The following NRBP2 variants were observed in gnomAD, a reference collection of about 807,000 sequenced individuals.
The protein encoded by NRBP2 is nuclear receptor-binding protein 2.
In NRBP2, 47 loss-of-function variants were observed where a neutral mutation model predicts 74.4. The observed-to-expected ratio is 0.63, with a 90% CI of 0.50 to 0.81. The LOEUF (loss-of-function observed/expected upper bound fraction) is 0.81, where lower values mean the gene tolerates loss of function less well. Among genes scored for constraint, NRBP2 ranks in the 30% least tolerant of loss-of-function variants. NRBP2 has a pLI of 0.00. For missense variants in NRBP2, 613 were observed against 690.1 expected, an observed-to-expected ratio of 0.89 and a Z score of 1.25; for synonymous variants, 312 against 273.8, an observed-to-expected ratio of 1.14 and a Z score of -1.38.
chr8:143,836,903 G>GCCTGGATC (rs1307619419), intron 14 of NRBP2, 136 bp downstream of exon 14: 2 of 1,014,006 alleles, frequency 2.0e-6, no homozygotes, highest in African/African-American at 3.2e-5. Flanking sequence ...AAGGGGGTCA[G>GCCTGGATC]CCTGGATCTG....
Position 143,837,288 on chromosome 8 carries a change from A to G in NRBP2, c.1088T>C (p.Val363Ala). The change falls in exon 13 of 18, where the codon GTC becomes GCC. Residue 363 changes from valine to alanine, a missense_variant. Coordinates refer to ENST00000442628, the MANE Select transcript of NRBP2 (RefSeq NM_178564.4). This position sits in a 1 kb window ranked among gnomAD's most constrained non-coding sequence, Gnocchi z 4.3. ...RPPLQWRYSE[V>A]SFMELDKFLE... ...GAATTTGTCCAGCTCCATGAAGGAG[A>G]CTTCCGAGTACCTGGCATGGAAGTG... 1 of 1,609,186 alleles carries G rather than the reference A, an allele frequency of 6.2e-7. No individual in the cohort carries two copies. The highest frequency in any genetic ancestry group is 8.5e-7 in the Non-Finnish European group (1 of 1,179,006).
Position 143,840,689 on chromosome 8 carries a change from C to A in NRBP2, c.129+17G>T. 6.8e-7 allele frequency: 1 copy of A among 1,473,242 alleles called. No homozygotes were observed. The highest frequency in any genetic ancestry group is 9.0e-7 in the Non-Finnish European group (1 of 1,113,712). The allele number at this position is 1,473,242 out of a possible 1,614,324, so 91.3% of individuals were successfully genotyped here. ...TGGGAGGGCGGTGTCACCCCGTGCC[C>A]CAACCCCCGCGCCCACCTGCTCCCG... is the stretch of plus-strand genomic sequence containing the variant. On this transcript the variant is annotated intron_variant, in intron 1 of 17. Transcript: ENST00000442628. This position sits in a 1 kb window ranked among gnomAD's most constrained non-coding sequence, Gnocchi z 5.7.
downstream of NRBP2, among the ~76,000 whole-genome samples, chr8:143,832,010 T>A (rs1170036425): frequency 2.6e-5 from 4 of 152,180 alleles, no homozygotes. Context: ...GCAAGAGAGA[T>A]CAGATTGTTA....
intron 15 of NRBP2, 31 bp downstream of exon 15, chr8:143,836,096 C>T (rs782730008): frequency 2.5e-5 from 40 of 1,595,092 alleles, no homozygotes; most frequent in Middle Eastern, 1.7e-4. Flanking sequence ...GCCTTCCCCA[C>T]GGCAGCGCCG....
downstream of NRBP2, among the ~76,000 whole-genome samples, chr8:143,832,231 T>G (rs1428414242): frequency 6.6e-6 from 1 of 151,516 alleles, no homozygotes; most frequent in Non-Finnish European, 1.5e-5. Flanking sequence ...GCATGCTCCT[T>G]AAGAGTCATC....
Position 143,839,401 on chromosome 8 carries a change from G to T in NRBP2, c.493C>A (p.His165Asn). The T allele has an allele frequency of 6.4e-7, 1 of 1,569,440 alleles. No homozygotes were observed. Among genetic ancestry groups the T allele is most frequent in the Non-Finnish European group, 8.6e-7 (1 of 1,165,484 alleles). Residue 165 changes from histidine (H) to asparagine (N), a missense_variant, in exon 6 of 18, where the codon CAC becomes AAC. Around this residue, in one of 2 missense-constraint regions of NRBP2, gnomAD observed 332 missense variants for 429.2 expected, o/e 0.77. Transcript: ENST00000442628. The surrounding 1 kb of genome is among the most constrained non-coding windows in gnomAD (Gnocchi z 5.1). The part of the protein sequence containing the change: ...TQILSALSFL[H>N]ACSPPIIHGN... ...TGGATGATTGGGGGGCTGCAGGCGT[G>T]CAGGAAGCTGCAGACGTTGGGGAGG...
Position 143,840,532 on chromosome 8 carries a change from A to T in NRBP2, c.129+174T>A. 1 of 702,856 alleles carries T rather than the reference A, an allele frequency of 1.4e-6. No homozygotes were observed. The highest frequency in any genetic ancestry group is 2.3e-6 in the Non-Finnish European group (1 of 440,414). 43.5% of individuals were successfully genotyped at this position (702,856 alleles called of 1,614,324 possible). ...AGGAGACTGGCCCTCAGGGAGTCCC[A>T]GGGCGAGCGCCAGGCCAAAGGGGTC... On this transcript the variant is annotated intron_variant, in intron 1 of 17. Coordinates refer to ENST00000442628, the MANE Select transcript of NRBP2 (RefSeq NM_178564.4). The surrounding 1 kb of genome is among the most constrained non-coding windows in gnomAD (Gnocchi z 5.7).
chr8:143,840,092 G>A lies in NRBP2; in HGVS notation c.252+15C>T. 1 of 1,536,158 alleles carries A rather than the reference G, an allele frequency of 6.5e-7. No homozygotes were observed. The highest frequency in any genetic ancestry group is 8.7e-7 in the Non-Finnish European group (1 of 1,146,898). Reference sequence around the variant, plus strand: ...TGGTCACCCAAGCAGGATGAGGAGGGGGCAGCGGTCTCACCTCGTGCGCCG... The same window carrying A: ...TGGTCACCCAAGCAGGATGAGGAGGAGGCAGCGGTCTCACCTCGTGCGCCG... On this transcript the variant is annotated intron_variant, in intron 2 of 17. Coordinates refer to ENST00000442628, the MANE Select transcript of NRBP2 (RefSeq NM_178564.4). The surrounding 1 kb of genome is among the most constrained non-coding windows in gnomAD (Gnocchi z 5.7).
rs1554652856 is a variant in NRBP2, at chr8:143,839,149, G to A, written c.604+23C>T. 1.2e-5 allele frequency: 18 copies of A among 1,516,686 alleles called. No individual in the cohort carries two copies. Among genetic ancestry groups the A allele is most frequent in the South Asian group, 4.9e-5 (4 of 81,156 alleles). The allele number at this position is 1,516,686 out of a possible 1,614,324, so 94.0% of individuals were successfully genotyped here. A position where few individuals can be genotyped will look rare whatever the true frequency, so the allele number is the denominator to read the frequency against. ...CGGGCGGGGACCTCTCCAGGACCCC[G>A]TCCCCCCAAAGTCCGCACTTACCAT... On this transcript the variant is annotated intron_variant, in intron 7 of 17. Transcript: ENST00000442628. This position sits in a 1 kb window ranked among gnomAD's most constrained non-coding sequence, Gnocchi z 5.1.
Position 143,837,322 on chromosome 8 carries a change from A to G in NRBP2, c.1077-23T>C. On this transcript the variant is annotated intron_variant, in intron 12 of 17. Coordinates refer to ENST00000442628, the MANE Select transcript of NRBP2 (RefSeq NM_178564.4). The surrounding 1 kb of genome is among the most constrained non-coding windows in gnomAD (Gnocchi z 4.3). ...TACCTGGCATGGAAGTGGGAGGCAC[A>G]TGAGGGGCTGGCCGGGGCGAGGGGA... 3.0e-6 allele frequency: 4 copies of G among 1,311,986 alleles called. No individual in the cohort carries two copies. The highest frequency in any genetic ancestry group is 4.1e-6 in the Non-Finnish European group (4 of 975,028). 81.3% of individuals were successfully genotyped at this position (1,311,986 alleles called of 1,614,324 possible). A position where few individuals can be genotyped will look rare whatever the true frequency, so the allele number is the denominator to read the frequency against.
chr8:143,837,779 G>A lies in NRBP2; in HGVS notation c.841-24C>T, dbSNP rs782715649. 1 of 1,555,144 alleles carries A rather than the reference G, an allele frequency of 6.4e-7. No homozygotes were observed. Among genetic ancestry groups the A allele is most frequent in the South Asian group, 1.2e-5 (1 of 84,416 alleles). On this transcript the variant is annotated intron_variant, in intron 10 of 17. Transcript: ENST00000442628. This position sits in a 1 kb window ranked among gnomAD's most constrained non-coding sequence, Gnocchi z 4.3. ...TCCTGGGGCACAGGGAGGAGAGGCT[G>A]GTGGTGTGCAAGGGCTCTCTGCTCT...
chr8:143,837,155 T>C lies in NRBP2; in HGVS notation c.1147A>G (p.Met383Val). Residue 383 changes from methionine to valine, a missense_variant, in exon 14 of 18, where the codon ATG becomes GTG. Around this residue, in one of 2 missense-constraint regions of NRBP2, gnomAD observed 281 missense variants for 260.9 expected, o/e 1.08. Transcript: ENST00000442628. The surrounding 1 kb of genome is among the most constrained non-coding windows in gnomAD (Gnocchi z 4.3). ...AGGGGTCGAGTGGCTGCAAAGTTCATCAGTGGGTAGATTCCATTCCTGGGG... is the reference window on the plus strand; with the variant it reads ...AGGGGTCGAGTGGCTGCAAAGTTCACCAGTGGGTAGATTCCATTCCTGGGG... ...EDVRNGIYPLMNFAATRPLGL... is the reference protein window; with the variant it reads ...EDVRNGIYPLVNFAATRPLGL... 1 of 1,612,818 alleles carries C rather than the reference T, an allele frequency of 6.2e-7. No individual in the cohort carries two copies. The highest frequency in any genetic ancestry group is 8.5e-7 in the Non-Finnish European group (1 of 1,179,164).
At chr8:143,836,790 G>C (rs1818419418) in intron 14 of NRBP2, among the ~76,000 whole-genome samples, 1 of 151,996 alleles carries the variant, frequency 6.6e-6, no homozygotes, top group Admixed American at 6.5e-5. Flanking sequence ...CTTGGAGTAG[G>C]TTCAGGGCAG....
rs1164357037 is a variant in NRBP2, at chr8:143,839,398, C to T, written c.496G>A (p.Ala166Thr). Residue 166 changes from alanine to threonine, a missense_variant, in exon 6 of 18, where the codon GCC (alanine) becomes ACC (threonine). By Grantham distance (58) the Ala-to-Thr change is moderately conservative. Around this residue, in one of 2 missense-constraint regions of NRBP2, gnomAD observed 332 missense variants for 429.2 expected, o/e 0.77. Transcript: ENST00000442628. This position sits in a 1 kb window ranked among gnomAD's most constrained non-coding sequence, Gnocchi z 5.1. The part of the protein sequence containing the change: ...QILSALSFLH[A>T]CSPPIIHGNL... Reference sequence around the variant, plus strand: ...CCGTGGATGATTGGGGGGCTGCAGGCGTGCAGGAAGCTGCAGACGTTGGGG... The same window carrying T: ...CCGTGGATGATTGGGGGGCTGCAGGTGTGCAGGAAGCTGCAGACGTTGGGG... The T allele has an allele frequency of 1.3e-6, 2 of 1,576,956 alleles. No homozygotes were observed. The highest frequency in any genetic ancestry group is 2.3e-5 in the South Asian group (2 of 87,652).
chr8:143,839,659 C>T lies in NRBP2; in HGVS notation c.444+77G>A. The T allele has an allele frequency of 1.3e-6, 2 of 1,522,276 alleles. No homozygotes were observed. Among genetic ancestry groups the T allele is most frequent in the South Asian group, 2.4e-5 (2 of 82,284 alleles). The allele number at this position is 1,522,276 out of a possible 1,614,324, so 94.3% of individuals were successfully genotyped here. A position where few individuals can be genotyped will look rare whatever the true frequency, so the allele number is the denominator to read the frequency against. On this transcript the variant is annotated intron_variant, in intron 4 of 17. Coordinates refer to ENST00000442628, the MANE Select transcript of NRBP2 (RefSeq NM_178564.4). The surrounding 1 kb of genome is among the most constrained non-coding windows in gnomAD (Gnocchi z 5.1). ...AGCCCCTGTCCGAGGCCGCCGGGCA[C>T]CCCCTCACCATCCCAGTCCCCGAGG...
At chr8:143,836,632 A>G (rs1158240929) in intron 14 of NRBP2, among the ~76,000 whole-genome samples, 1 of 136,968 alleles carries the variant, frequency 7.3e-6, no homozygotes, top group Non-Finnish European at 1.6e-5. Flanking sequence ...GTGCTGCAGG[A>G]AAAGTCTGGG....
At position 143,837,685 on chromosome 8, in the gene NRBP2, C is replaced by T. The variant is rs1258985922; in HGVS notation, c.911G>A (p.Arg304His). The change falls in exon 11 of 18, where the codon CGC becomes CAC. Residue 304 changes from arginine (R) to histidine (H), a missense_variant. Physicochemically the swap from Arg to His is conservative, Grantham distance 29. This residue lies in a region of NRBP2 where 332 missense variants were observed against 429.2 expected (regional missense o/e 0.77). Coordinates refer to ENST00000442628, the MANE Select transcript of NRBP2 (RefSeq NM_178564.4). The surrounding 1 kb of genome is among the most constrained non-coding windows in gnomAD (Gnocchi z 4.3). Reference sequence around the variant, plus strand: ...CAGCGAGTGCACCTCGAAGAGCACGCGGTGGAAGAGGAGGCTGTGGGCAGA... The same window carrying T: ...CAGCGAGTGCACCTCGAAGAGCACGTGGTGGAAGAGGAGGCTGTGGGCAGA... ...RPSAHSLLFH[R>H]VLFEVHSLKL... The T allele has an allele frequency of 3.8e-6, 6 of 1,579,316 alleles. No homozygotes were observed. The highest frequency in any genetic ancestry group is 3.5e-5 in the South Asian group (3 of 86,328).
rs1028158738 is a variant in NRBP2, at chr8:143,839,832, G to A, written c.355-7C>T. 16 of 1,535,880 alleles carry A rather than the reference G, an allele frequency of 1.0e-5. No individual in the cohort carries two copies. The highest frequency in any genetic ancestry group is 1.4e-5 in the African/African-American group (1 of 73,024). On this transcript the variant is annotated splice_region_variant and splice_polypyrimidine_tract_variant and intron_variant, in intron 3 of 17. Transcript: ENST00000442628. This position sits in a 1 kb window ranked among gnomAD's most constrained non-coding sequence, Gnocchi z 5.1. The stretch of plus-strand genomic sequence containing the variant: ...ACTCTGTGATGAAGATGACCTGCAC[G>A]GTGCGAGCTCAGGATTTCCACCAGC...
intron 14 of NRBP2, among the ~76,000 whole-genome samples, chr8:143,836,534 T>C (rs1025831289): frequency 6.6e-6 from 1 of 151,850 alleles, no homozygotes; most frequent in Non-Finnish European, 1.5e-5. Flanking sequence ...TCCCATGATC[T>C]CTGCTGGCAG....
Sources: allele counts gnomAD v4.1 joint callset (sites outside exome capture counted in the v4.1 genomes callset), GRCh38; gene constraint gnomAD v4.1.1; regional missense constraint gnomAD v4.1.1; non-coding constraint Gnocchi (gnomAD v3.1); transcripts MANE v1.5; gene names NCBI Gene and HGNC (gene_info 2026-07-23, HGNC 2026-07-21).